The following URM1 variants were observed in gnomAD, a reference collection of about 807,000 sequenced individuals.
The protein encoded by URM1 is ubiquitin-related modifier 1.
A neutral mutation model predicts 17.7 loss-of-function variants in URM1; 11 were observed. That is an observed-to-expected ratio of 0.62 (90% confidence interval 0.39 to 1.03). The LOEUF is 1.03. URM1 is among the 50% of genes least tolerant of loss of function. URM1 has a pLI of 0.00. For missense variants in URM1, 128 were observed against 129.2 expected (o/e 0.99, Z 0.04); for synonymous variants, 48 against 50.6 (o/e 0.95, Z 0.22).
At position 128,391,942 on chromosome 9, in the gene URM1, A is replaced by T. The variant is rs1833322119; in HGVS notation, c.*2208A>T. Reference sequence around the variant, plus strand: ...CTGGGCTCAGCCCCCAGCAGCTCCCAACTGCCCCTCTCCCAAGCAACTCCT... The same window carrying T: ...CTGGGCTCAGCCCCCAGCAGCTCCCTACTGCCCCTCTCCCAAGCAACTCCT... On this transcript the variant is annotated 3_prime_UTR_variant, in exon 5 of 5. Coordinates refer to ENST00000372853, the MANE Select transcript of URM1 (RefSeq NM_030914.4). 1 of 152,294 alleles carries T rather than the reference A, an allele frequency of 6.6e-6. No homozygotes were observed. Among genetic ancestry groups the T allele is most frequent in the Non-Finnish European group, 1.5e-5 (1 of 68,090 alleles). 9.4% of individuals were successfully genotyped at this position (152,294 alleles called of 1,614,324 possible). A position where few individuals can be genotyped will look rare whatever the true frequency, so the allele number is the denominator to read the frequency against.
In URM1 at chr9:128,387,157, A is replaced by C. The variant is rs2131300251; in HGVS notation, c.107-659A>C. On this transcript the variant is annotated intron_variant, in intron 2 of 4. Coordinates refer to ENST00000372853, the MANE Select transcript of URM1 (RefSeq NM_030914.4). The surrounding 1 kb of genome is among the most constrained non-coding windows in gnomAD (Gnocchi z 4.3). The stretch of plus-strand genomic sequence containing the variant: ...GATCTCAGTGTTAGCTGAGCTGGAG[A>C]GGCCCTGTCACCCGAACCTCTGGCC... 6.6e-6 allele frequency among the ~76,000 whole-genome samples: 1 copy of C among 152,322 alleles called. No homozygotes were observed. Among genetic ancestry groups the C allele is most frequent in the East Asian group, 1.9e-4 (1 of 5,182 alleles).
intron 1 of URM1, among the ~76,000 whole-genome samples, chr9:128,376,327 A>C (rs1451441898): frequency 3.3e-5 from 5 of 152,126 alleles, no homozygotes; most frequent in Admixed American, 6.6e-5. Flanking sequence ...ACGCTACTGC[A>C]CTCCAGCCTG....
chr9:128,391,530 A>G lies in URM1; in HGVS notation c.*1796A>G, dbSNP rs1268919334. The G allele has an allele frequency of 6.6e-6, 1 of 152,210 alleles. No homozygotes were observed. Among genetic ancestry groups the G allele is most frequent in the African/African-American group, 2.4e-5 (1 of 41,432 alleles). The allele number at this position is 152,210 out of a possible 1,614,324, so 9.4% of individuals were successfully genotyped here. Reference sequence around the variant, plus strand: ...GGGAACAGAGCAAGAGACTTGGAACAGCTCCCTACAGCTGCACTTCTAGAA... The same window carrying G: ...GGGAACAGAGCAAGAGACTTGGAACGGCTCCCTACAGCTGCACTTCTAGAA... On this transcript the variant is annotated 3_prime_UTR_variant, in exon 5 of 5. Coordinates refer to ENST00000372853, the MANE Select transcript of URM1 (RefSeq NM_030914.4).
intron 2 of URM1, among the ~76,000 whole-genome samples, chr9:128,385,016 G>A (rs944714788): frequency 3.3e-5 from 5 of 152,178 alleles, no homozygotes; most frequent in Non-Finnish European, 5.9e-5. Context: ...GGAAGCACAG[G>A]CCTGGGCAGT....
At chr9:128,371,774 ACCACCCT>A (rs1413265057) in intron 1 of URM1, among the ~76,000 whole-genome samples, 1 of 152,108 alleles carries the variant, frequency 6.6e-6, no homozygotes, top group East Asian at 1.9e-4. Flanking sequence ...ACCTAGAAGG[ACCACCCT>A]CCACCCGCTG....
chr9:128,378,177 C>T, intron 2 of URM1, 71 bp downstream of exon 2: 3 of 1,105,564 alleles, frequency 2.7e-6, no homozygotes, highest in Admixed American at 4.2e-5. Context: ...GAACACTCAG[C>T]CCCGTTCAGG....
intron 2 of URM1, among the ~76,000 whole-genome samples, chr9:128,380,280 G>C (rs1833141578): frequency 6.6e-6 from 1 of 152,212 alleles, no homozygotes; most frequent in African/African-American, 2.4e-5. Flanking sequence ...CCTCAGGTTG[G>C]AGAGCAGTGG....
rs947597657 is a variant in URM1, at chr9:128,391,876, T to A, written c.*2142T>A. The A allele has an allele frequency of 1.3e-5, 2 of 152,248 alleles. No homozygotes were observed. Among genetic ancestry groups the A allele is most frequent in the African/African-American group, 4.8e-5 (2 of 41,452 alleles). 9.4% of individuals were successfully genotyped at this position (152,248 alleles called of 1,614,324 possible). A position where few individuals can be genotyped will look rare whatever the true frequency, so the allele number is the denominator to read the frequency against. On this transcript the variant is annotated 3_prime_UTR_variant, in exon 5 of 5. Transcript: ENST00000372853. ...AGGCACACCAGACGATTTCAGGTCA[T>A]TTTTAGCCCTAGACTGGAAAGGGGT...
In URM1 at chr9:128,390,440, G is replaced by A. The variant is rs1187631062; in HGVS notation, c.*706G>A. The A allele has an allele frequency of 1.3e-5, 2 of 152,432 alleles. No homozygotes were observed. Among genetic ancestry groups the A allele is most frequent in the Admixed American group, 1.3e-4 (2 of 15,286 alleles). 9.4% of individuals were successfully genotyped at this position (152,432 alleles called of 1,614,324 possible). A position where few individuals can be genotyped will look rare whatever the true frequency, so the allele number is the denominator to read the frequency against. On this transcript the variant is annotated 3_prime_UTR_variant, in exon 5 of 5. Coordinates refer to ENST00000372853, the MANE Select transcript of URM1 (RefSeq NM_030914.4). The stretch of plus-strand genomic sequence containing the variant: ...TACAGCTCATTCTGCTGGGGGTAGA[G>A]ATGAGGGGAGGGAGTAAGTTAAACC...
intron 2 of URM1, among the ~76,000 whole-genome samples, chr9:128,384,865 G>C (rs1050320722): frequency 6.6e-6 from 1 of 152,114 alleles, no homozygotes; most frequent in East Asian, 1.9e-4. Flanking sequence ...AGGCCTGTCT[G>C]ACTCCAGGGT....
chr9:128,389,222 CCT>C (rs1365920156), intron 3 of URM1, 37 bp from the exon 4 acceptor site: 1 of 1,564,916 alleles, frequency 6.4e-7, no homozygotes, highest in Admixed American at 1.8e-5. Flanking sequence ...CTGCCTCCTG[CCT>C]CTCACTCCTT....
chr9:128,373,107 C>G (rs1238263541), intron 1 of URM1, among the ~76,000 whole-genome samples: 1 of 152,142 alleles, frequency 6.6e-6, no homozygotes, highest in East Asian at 1.9e-4. Context: ...ACCCAATCAT[C>G]TCTAACTTCA....
At chr9:128,374,230 G>A (rs1054797005) in intron 1 of URM1, among the ~76,000 whole-genome samples, 53 of 152,090 alleles carry the variant, frequency 3.5e-4, no homozygotes, top group African/African-American at 1.2e-3. Flanking sequence ...CCCCTCCCTT[G>A]AGGGCCAGTG....
intron 3 of URM1, chr9:128,388,907 A>AC (rs1833265399): frequency 9.3e-7 from 1 of 1,071,630 alleles, no homozygotes; most frequent in South Asian, 3.9e-5. Context: ...AGCACTCCAC[A>AC]CATATCAGCT....
intron 1 of URM1, among the ~76,000 whole-genome samples, chr9:128,372,380 C>T (rs1255835021): frequency 6.6e-6 from 1 of 152,044 alleles, no homozygotes; most frequent in African/African-American, 2.4e-5. Flanking sequence ...AAAACCTCTG[C>T]CCAGTGCCTT....
At position 128,378,542 on chromosome 9, in the gene URM1, C is replaced by CAAAAA. The variant is rs58676800; in HGVS notation, c.106+462_106+466dup. Among the ~76,000 whole-genome samples the CAAAAA allele has an allele frequency of 6.5e-4, 15 of 23,024 alleles. No individual in the cohort carries two copies. The East Asian group carries it at 0.011, about 16-fold the overall frequency. The allele number at this position is 23,024 out of a possible 152,430, so 15.1% of individuals were successfully genotyped here. On this transcript the variant is annotated intron_variant, in intron 2 of 4. Coordinates refer to ENST00000372853, the MANE Select transcript of URM1 (RefSeq NM_030914.4). ...TGGGCGACAAAGCAAGACTCCATCT[C>CAAAAA]AAAAAAAAAAAAAAAAAAAAAAAAA...
intron 1 of URM1, among the ~76,000 whole-genome samples, chr9:128,375,818 C>G (rs887547282): frequency 1.3e-5 from 2 of 152,104 alleles, no homozygotes; most frequent in Non-Finnish European, 2.9e-5. Flanking sequence ...CGCCTCTCAG[C>G]CTCCCAAAGT....
intron 2 of URM1, among the ~76,000 whole-genome samples, chr9:128,386,677 C>T (rs911989232): frequency 6.6e-6 from 1 of 152,250 alleles, no homozygotes; most frequent in African/African-American, 2.4e-5. Flanking sequence ...AGAGCAAAGT[C>T]TCCCTGAGTC....
chr9:128,377,996 A>C (rs764145520), intron 1 of URM1, 40 bp from the exon 2 acceptor site: 3 of 1,608,886 alleles, frequency 1.9e-6, no homozygotes, highest in Non-Finnish European at 2.5e-6. Context: ...TATTTGCAGG[A>C]GCTCACCTGG....
Sources: allele counts gnomAD v4.1 joint callset (sites outside exome capture counted in the v4.1 genomes callset), GRCh38; gene constraint gnomAD v4.1.1; non-coding constraint Gnocchi (gnomAD v3.1); transcripts MANE v1.5; gene names NCBI Gene and HGNC (gene_info 2026-07-23, HGNC 2026-07-21).